CTDSPL: variants seen among roughly 807,000 people sequenced by gnomAD.
CTDSPL encodes CTD small phosphatase-like protein.
In CTDSPL, 8 loss-of-function variants were observed where a neutral mutation model predicts 30.5. That is an observed-to-expected ratio of 0.26 (90% CI 0.15 to 0.47). The LOEUF is 0.47. Ranked by LOEUF, CTDSPL falls within the 20% of genes least tolerant of loss-of-function variation. The pLI, the probability that CTDSPL is intolerant of heterozygous loss-of-function variation, is 0.99. For missense variants in CTDSPL, 248 were observed against 366.1 expected (o/e 0.68, Z 2.63); for synonymous variants, 110 against 137.9 (o/e 0.80, Z 1.42).
intron 3 of CTDSPL, among the ~76,000 whole-genome samples, chr3:37,957,953 A>G (rs370389691): frequency 1.3e-5 from 2 of 152,232 alleles, no homozygotes; most frequent in African/African-American, 4.8e-5. Flanking sequence ...AAATAGTCTT[A>G]TGTCCTTAGA....
intron 4 of CTDSPL, among the ~76,000 whole-genome samples, chr3:37,967,463 C>A (rs1201561783): frequency 1.3e-5 from 2 of 152,250 alleles, no homozygotes; most frequent in Non-Finnish European, 2.9e-5. Flanking sequence ...GAGCCCATTA[C>A]ATGCTCAGCT....
intron 1 of CTDSPL, chr3:37,911,764 A>G (rs563617939): frequency 5.0e-5 from 23 of 456,028 alleles, no homozygotes; most frequent in South Asian, 3.6e-4. Context: ...CTCGCTAAAG[A>G]GAGAAGGAGG....
At chr3:37,912,065 C>T (rs1336285559) in intron 1 of CTDSPL, among the ~76,000 whole-genome samples, 2 of 152,160 alleles carry the variant, frequency 1.3e-5, no homozygotes, top group Non-Finnish European at 2.9e-5. Flanking sequence ...AGTCAAAAAC[C>T]GTCATTAGGA....
chr3:37,966,742 T>G (rs541119088), intron 4 of CTDSPL, among the ~76,000 whole-genome samples: 2 of 152,302 alleles, frequency 1.3e-5, no homozygotes, highest in African/African-American at 4.8e-5. Context: ...TTTTTTAGTT[T>G]ATATATCAAC....
Position 37,984,469 on chromosome 3 carries a change from A to T in CTDSPL, c.*3602A>T. 1 of 376,196 alleles carries T rather than the reference A, an allele frequency of 2.7e-6. No homozygotes were observed. Among genetic ancestry groups the T allele is most frequent in the Non-Finnish European group, 5.4e-6 (1 of 183,494 alleles). The allele number at this position is 376,196 out of a possible 1,614,324, so 23.3% of individuals were successfully genotyped here. A position where few individuals can be genotyped will look rare whatever the true frequency, so the allele number is the denominator to read the frequency against. On this transcript the variant is annotated 3_prime_UTR_variant, in exon 8 of 8. Coordinates refer to ENST00000273179, the MANE Select transcript of CTDSPL (RefSeq NM_001008392.2). ...GCCAAAAATAAACATGTGAAACTGCACTCTTTTGTGGATTGACTACTTTTC... is the reference window on the plus strand; with the variant it reads ...GCCAAAAATAAACATGTGAAACTGCTCTCTTTTGTGGATTGACTACTTTTC...
chr3:37,899,949 T>A (rs80093858), intron 1 of CTDSPL, among the ~76,000 whole-genome samples: 8,512 of 152,306 alleles, frequency 0.056, 302 homozygotes, highest in African/African-American at 0.1. Context: ...TTATACTTGT[T>A]AAAAGCTTGG....
At chr3:37,946,983 C>T in intron 1 of CTDSPL, 74 bp from the exon 2 acceptor site, 3 of 1,478,340 alleles carry the variant, frequency 2.0e-6, no homozygotes, top group East Asian at 4.9e-5. Flanking sequence ...ACTGCACACT[C>T]AGATTTTTGC....
intron 7 of CTDSPL, among the ~76,000 whole-genome samples, chr3:37,980,271 C>T (rs1468257901): frequency 2.6e-5 from 4 of 152,188 alleles, no homozygotes; most frequent in Non-Finnish European, 5.9e-5. Context: ...TTTACCACTT[C>T]TCTTTGTGAT....
intron 1 of CTDSPL, among the ~76,000 whole-genome samples, chr3:37,932,094 A>G (rs1698861784): frequency 6.6e-6 from 1 of 152,118 alleles, no homozygotes; most frequent in Admixed American, 6.6e-5. Context: ...GGAAGAGAAC[A>G]GGATAGATTT....
intron 1 of CTDSPL, 149 bp from the exon 2 acceptor site, chr3:37,946,908 C>A: frequency 1.4e-6 from 1 of 722,704 alleles, no homozygotes; most frequent in Non-Finnish European, 2.1e-6. Context: ...GAGTAACTTC[C>A]AGGAGCCCCT....
At chr3:37,930,127 AAAG>A (rs1459267789) in intron 1 of CTDSPL, among the ~76,000 whole-genome samples, 2 of 149,248 alleles carry the variant, frequency 1.3e-5, no homozygotes, top group African/African-American at 2.5e-5. Context: ...AAAAAAAAAA[AAAG>A]AAGAAGGGTA....
At chr3:37,887,236 C>T (rs965726489) in intron 1 of CTDSPL, among the ~76,000 whole-genome samples, 4 of 152,158 alleles carry the variant, frequency 2.6e-5, no homozygotes, top group Admixed American at 6.5e-5. Flanking sequence ...GGAAACGCTC[C>T]GTTTGTCAAG....
intron 1 of CTDSPL, among the ~76,000 whole-genome samples, chr3:37,910,477 A>C (rs983098893): frequency 6.6e-6 from 1 of 152,158 alleles, no homozygotes; most frequent in Non-Finnish European, 1.5e-5. Context: ...ACAAAACTCT[A>C]TCTCAGAACA....
At chr3:37,922,292 G>A (rs951151697) in intron 1 of CTDSPL, among the ~76,000 whole-genome samples, 6 of 152,038 alleles carry the variant, frequency 3.9e-5, no homozygotes, top group African/African-American at 1.2e-4. Context: ...ACCTCTAGCA[G>A]CCCCTATAAG....
At chr3:37,960,857 G>GT (rs1163283024) in intron 3 of CTDSPL, among the ~76,000 whole-genome samples, 1 of 152,046 alleles carries the variant, frequency 6.6e-6, no homozygotes, top group Non-Finnish European at 1.5e-5. Context: ...ATTTCCTGTA[G>GT]TTTTTTATGC....
At position 37,980,885 on chromosome 3, in the gene CTDSPL, C is replaced by G. The variant is rs1699484413; in HGVS notation, c.*18C>G. 3 of 1,611,300 alleles carry G rather than the reference C, an allele frequency of 1.9e-6. No individual in the cohort carries two copies. The highest frequency in any genetic ancestry group is 1.7e-6 in the Non-Finnish European group (2 of 1,178,304). On this transcript the variant is annotated 3_prime_UTR_variant, in exon 8 of 8. Transcript: ENST00000273179. ...ATAGGTAGCCCTGGCCTCTGCCTGC[C>G]TCCCGCCTGTGCACTCTGGAACCTC... is the stretch of plus-strand genomic sequence containing the variant.
chr3:37,889,720 C>A (rs73056972), intron 1 of CTDSPL, among the ~76,000 whole-genome samples: 10,261 of 152,134 alleles, frequency 0.067, 413 homozygotes, highest in African/African-American at 0.1. Flanking sequence ...ATCGACATCC[C>A]AAATGCCAGA....
intron 1 of CTDSPL, among the ~76,000 whole-genome samples, chr3:37,878,465 C>A (rs1320048629): frequency 2.6e-5 from 4 of 152,164 alleles, no homozygotes; most frequent in Non-Finnish European, 5.9e-5. Context: ...TGCCTTTGAA[C>A]CTTTATTAAA....
intron 1 of CTDSPL, among the ~76,000 whole-genome samples, chr3:37,935,956 A>G (rs930859311): frequency 7.9e-5 from 12 of 152,168 alleles, no homozygotes; most frequent in Non-Finnish European, 1.6e-4. Flanking sequence ...TCTCATCGGA[A>G]AATGGGTTGG....
Sources: allele counts gnomAD v4.1 joint callset (sites outside exome capture counted in the v4.1 genomes callset), GRCh38; gene constraint gnomAD v4.1.1; transcripts MANE v1.5; gene names NCBI Gene and HGNC (gene_info 2026-07-23, HGNC 2026-07-21).